Variants in SORCS3 observed in about 807,000 individuals in gnomAD.
SORCS3 encodes the protein VPS10 domain-containing receptor SorCS3.
SORCS3 carries 57 observed loss-of-function variants against 146.3 expected under a neutral mutation model. The ratio of observed to expected loss-of-function variants is 0.39; its 90% CI spans 0.31 to 0.49. The LOEUF (loss-of-function observed/expected upper bound fraction) is 0.49, where lower values mean the gene tolerates loss of function less well. SORCS3 is among the 20% of genes least tolerant of loss of function. SORCS3 has a pLI of 0.92. For synonymous variants in SORCS3, 653 were observed against 618.5 expected, an observed-to-expected ratio of 1.06 and a Z score of -0.83; for missense variants, 1,341 against 1,575.5, an observed-to-expected ratio of 0.85 and a Z score of 2.52.
At chr10:105,013,411 GA>G (rs1227137184) in intron 4 of SORCS3, among the ~76,000 whole-genome samples, 1 of 151,884 alleles carries the variant, frequency 6.6e-6, no homozygotes, top group African/African-American at 2.4e-5. Flanking sequence ...TAAGAAAAAG[GA>G]AAAAGGTCAT....
intron 1 of SORCS3, among the ~76,000 whole-genome samples, chr10:104,751,928 T>C (rs545302808): frequency 5.2e-4 from 26 of 50,254 alleles, no homozygotes; most frequent in Admixed American, 6.6e-4. Context: ...AGGAAGCATA[T>C]ATATATATAT....
intron 14 of SORCS3, 126 bp from the exon 15 acceptor site, chr10:105,199,873 A>C (rs1202223847): frequency 1.4e-6 from 1 of 697,224 alleles, no homozygotes; most frequent in African/African-American, 1.8e-5. Context: ...CAAGGAACTC[A>C]CTTTGGAAGA....
chr10:105,045,489 C>T (rs953590287), intron 5 of SORCS3, among the ~76,000 whole-genome samples: 2 of 152,052 alleles, frequency 1.3e-5, no homozygotes, highest in Middle Eastern at 3.4e-3. Context: ...TTTTAGGTGT[C>T]GTGTGAGTCA....
rs1158843063 is a variant in SORCS3 at position 104,641,423 on chromosome 10, C to T, written c.96C>T (p.Gly32=). ...LLLLSTWVLA[G]AEITWDATGG... is the part of the protein sequence containing the mutation. ...TCTTGTCGACGTGGGTCCTGGCCGG[C>T]GCCGAGATCACTTGGGACGCGACAG... Residue 32 remains glycine (G), a synonymous_variant, in exon 1 of 27, where the codon GGC becomes GGT. Coordinates refer to ENST00000369701, the MANE Select transcript of SORCS3 (RefSeq NM_014978.3). The surrounding 1 kb of genome is among the most constrained non-coding windows in gnomAD (Gnocchi z 6.4). The T allele has an allele frequency of 3.4e-6, 5 of 1,469,314 alleles. No individual in the cohort carries two copies. In the South Asian group the frequency reaches 3.9e-5, roughly 11 times the overall value. 91.0% of individuals were successfully genotyped at this position (1,469,314 alleles called of 1,614,324 possible). A position where few individuals can be genotyped will look rare whatever the true frequency, so the allele number is the denominator to read the frequency against.
At chr10:104,941,995 G>C (rs2019324828) in intron 3 of SORCS3, among the ~76,000 whole-genome samples, 3 of 152,320 alleles carry the variant, frequency 2.0e-5, no homozygotes, top group South Asian at 4.1e-4. Context: ...AGATTATCCT[G>C]TGTATTAAAT....
intron 1 of SORCS3, among the ~76,000 whole-genome samples, chr10:104,645,470 G>T (rs776987916): frequency 2.6e-5 from 4 of 152,144 alleles, no homozygotes; most frequent in African/African-American, 9.7e-5. Flanking sequence ...CCTTCATGGG[G>T]CCCCCATTCC....
At chr10:105,183,513 T>A (rs2056455777) in intron 14 of SORCS3, among the ~76,000 whole-genome samples, 1 of 152,232 alleles carries the variant, frequency 6.6e-6, no homozygotes, top group Non-Finnish European at 1.5e-5. Flanking sequence ...AGTAACTGCA[T>A]CCGATAAAGT....
intron 4 of SORCS3, among the ~76,000 whole-genome samples, chr10:105,022,079 T>C (rs1292104090): frequency 6.6e-6 from 1 of 152,102 alleles, no homozygotes; most frequent in Non-Finnish European, 1.5e-5. Context: ...CAGAAGATTT[T>C]TGGGGCAGTG....
At chr10:105,096,556 G>A (rs574469660) in intron 6 of SORCS3, among the ~76,000 whole-genome samples, 1 of 152,202 alleles carries the variant, frequency 6.6e-6, no homozygotes, top group Non-Finnish European at 1.5e-5. Context: ...AGATTCTGCT[G>A]TAAGTATCAT....
chr10:105,119,565 G>A (rs531218167), intron 7 of SORCS3, among the ~76,000 whole-genome samples: 3 of 152,268 alleles, frequency 2.0e-5, no homozygotes, highest in South Asian at 2.1e-4. Context: ...CAGTTGGAAC[G>A]GGGCCATACC....
intron 3 of SORCS3, among the ~76,000 whole-genome samples, chr10:104,958,866 G>A (rs1027203793): frequency 2.0e-5 from 3 of 152,132 alleles, no homozygotes; most frequent in African/African-American, 7.2e-5. Context: ...GAGAGAGAGA[G>A]GGAGGAAGTG....
At chr10:104,837,209 G>T (rs2018080942) in intron 1 of SORCS3, among the ~76,000 whole-genome samples, 1 of 152,108 alleles carries the variant, frequency 6.6e-6, no homozygotes, top group Non-Finnish European at 1.5e-5. Context: ...ACCTCAAGGA[G>T]GTCACAGTCT....
rs1004427222 is a variant in SORCS3, at chr10:105,253,820, A to G, written c.3237+914A>G. ...GTTTCTCTGAGAAATAATTTCTTGCATTGCAGGGTTGCATATTGAAGTTGG... is the reference window on the plus strand; with the variant it reads ...GTTTCTCTGAGAAATAATTTCTTGCGTTGCAGGGTTGCATATTGAAGTTGG... On this transcript the variant is annotated intron_variant, in intron 23 of 26. Coordinates refer to ENST00000369701, the MANE Select transcript of SORCS3 (RefSeq NM_014978.3). Among the ~76,000 whole-genome samples, 3 of 152,230 alleles carry G rather than the reference A, an allele frequency of 2.0e-5. No homozygotes were observed. In the South Asian group the frequency reaches 6.2e-4, roughly 32 times the overall value.
At chr10:104,923,254 C>T (rs1346439741) in intron 3 of SORCS3, among the ~76,000 whole-genome samples, 1 of 152,196 alleles carries the variant, frequency 6.6e-6, no homozygotes, top group Non-Finnish European at 1.5e-5. Context: ...ATTTCTGTGG[C>T]TCATTGGATA....
intron 14 of SORCS3, among the ~76,000 whole-genome samples, chr10:105,195,684 C>T (rs755779662): frequency 3.9e-5 from 6 of 152,086 alleles, no homozygotes; most frequent in Admixed American, 2.0e-4. Context: ...CATGTATGCC[C>T]CATAGGAAAG....
At chr10:104,790,567 C>A (rs2017485285) in intron 1 of SORCS3, among the ~76,000 whole-genome samples, 1 of 152,182 alleles carries the variant, frequency 6.6e-6, no homozygotes, top group South Asian at 2.1e-4. Flanking sequence ...ACAAATCTCT[C>A]TCCAAGATTT....
At chr10:105,054,565 G>T in intron 5 of SORCS3, among the ~76,000 whole-genome samples, 1 of 150,262 alleles carries the variant, frequency 6.7e-6, no homozygotes. Flanking sequence ...AGATTTATAG[G>T]ATTTCTTTTT....
intron 1 of SORCS3, among the ~76,000 whole-genome samples, chr10:104,812,505 A>G (rs2017752173): frequency 1.3e-5 from 2 of 152,344 alleles, no homozygotes; most frequent in South Asian, 4.1e-4. Flanking sequence ...CTCTACTTCC[A>G]GCTGGCGATT....
At position 104,885,359 on chromosome 10, in the gene SORCS3, C is replaced by T. The variant is rs1295447083; in HGVS notation, c.696-30474C>T. On this transcript the variant is annotated intron_variant, in intron 2 of 26. Coordinates refer to ENST00000369701, the MANE Select transcript of SORCS3 (RefSeq NM_014978.3). ...GGAAGACTTAGTAGATTTAAGAGAG[C>T]ATACACACTTGTGTTTCAAGTGAGC... 3.9e-5 allele frequency among the ~76,000 whole-genome samples: 6 copies of T among 152,312 alleles called. No homozygotes were observed. In the South Asian group the frequency reaches 6.2e-4, roughly 16 times the overall value.
Sources: allele counts gnomAD v4.1 joint callset (sites outside exome capture counted in the v4.1 genomes callset), GRCh38; gene constraint gnomAD v4.1.1; non-coding constraint Gnocchi (gnomAD v3.1); transcripts MANE v1.5; gene names NCBI Gene and HGNC (gene_info 2026-07-23, HGNC 2026-07-21).